Variants in KATNIP observed in about 807,000 individuals in gnomAD.
KATNIP encodes katanin-interacting protein.
In KATNIP, 126 loss-of-function variants were observed where a neutral mutation model predicts 174.0. The ratio of observed to expected loss-of-function variants is 0.72; its 90% CI spans 0.63 to 0.84. KATNIP has a LOEUF of 0.84. KATNIP is among the 40% of genes least tolerant of loss of function. KATNIP has a pLI of 0.00. For missense variants in KATNIP, 1,958 were observed against 2,109.7 expected, an observed-to-expected ratio of 0.93 and a Z score of 1.41; for synonymous variants, 810 against 835.7, an observed-to-expected ratio of 0.97 and a Z score of 0.53.
At chr16:27,591,348 A>G (rs192522937) in intron 2 of KATNIP, among the ~76,000 whole-genome samples, 1 of 152,052 alleles carries the variant, frequency 6.6e-6, no homozygotes, top group Admixed American at 6.6e-5. Context: ...CCACACCCAG[A>G]TAATTTTTGT....
intron 22 of KATNIP, 111 bp from the exon 23 acceptor site, chr16:27,772,988 T>G: frequency 1.6e-6 from 1 of 636,682 alleles, no homozygotes; most frequent in South Asian, 2.0e-5. Context: ...AAAATGTTTT[T>G]CTCTCATTCA....
At position 27,569,983 on chromosome 16, in the gene KATNIP, A is replaced by G. The variant is rs1330851071; in HGVS notation, c.8-3918A>G. Among the ~76,000 whole-genome samples, 3 of 152,202 alleles carry G rather than the reference A, an allele frequency of 2.0e-5. No individual in the cohort carries two copies. In the East Asian group the frequency reaches 5.8e-4, roughly 29 times the overall value. On this transcript the variant is annotated intron_variant, in intron 1 of 27. Transcript: ENST00000261588. ...GGCTGGTCTTGAACTCCTGGCCTCC[A>G]GTGATCCTCTTGCCTTGGCCTCCCA...
In KATNIP at chr16:27,573,917, G is replaced by A. The variant is rs2090394994; in HGVS notation, c.24G>A (p.Lys8=). Residue 8 remains lysine, a synonymous_variant, in exon 2 of 28, where the codon AAG becomes AAA. Transcript: ENST00000261588. Reference sequence around the variant, plus strand: ...CTGCGACAGGTCAGACTCTGCGAAAGGCCGAGAGAAGCTGGTCCTGCTCAC... The same window carrying A: ...CTGCGACAGGTCAGACTCTGCGAAAAGCCGAGAGAAGCTGGTCCTGCTCAC... MDGQTLR[K]AERSWSCSRE... 1 of 1,614,164 alleles carries A rather than the reference G, an allele frequency of 6.2e-7. No individual in the cohort carries two copies.
intron 14 of KATNIP, among the ~76,000 whole-genome samples, chr16:27,736,057 C>T (rs1215376266): frequency 6.6e-6 from 1 of 152,240 alleles, no homozygotes; most frequent in African/African-American, 2.4e-5. Flanking sequence ...GGCTGGAGTA[C>T]AATGGCACGA....
intron 6 of KATNIP, chr16:27,669,346 C>G: frequency 1.0e-6 from 1 of 978,654 alleles, no homozygotes; most frequent in Non-Finnish European, 1.2e-6. Context: ...CATTTGTGTG[C>G]AGTCCCTGTC....
intron 5 of KATNIP, among the ~76,000 whole-genome samples, chr16:27,642,323 A>T (rs1712872473): frequency 6.6e-6 from 1 of 152,178 alleles, no homozygotes; most frequent in African/African-American, 2.4e-5. Context: ...CAAAAAACCA[A>T]ACACCGCATG....
chr16:27,584,177 C>A (rs2090800282), intron 2 of KATNIP, among the ~76,000 whole-genome samples: 2 of 152,020 alleles, frequency 1.3e-5, no homozygotes, highest in African/African-American at 4.8e-5. Context: ...TTCTTTGCTT[C>A]CTCCTCCTTC....
intron 19 of KATNIP, among the ~76,000 whole-genome samples, chr16:27,762,041 T>C (rs2081972896): frequency 6.6e-6 from 1 of 152,124 alleles, no homozygotes; most frequent in Admixed American, 6.5e-5. Flanking sequence ...CGGTGGTGGC[T>C]GCACTTTCCC....
chr16:27,565,482 GAAAGA>G (rs1290134038), intron 1 of KATNIP, among the ~76,000 whole-genome samples: 1 of 150,628 alleles, frequency 6.6e-6, no homozygotes, highest in Non-Finnish European at 1.5e-5. Flanking sequence ...AAAAAAAAAG[GAAAGA>G]AAAGAAATAA....
rs2082539328 is a variant in KATNIP, at chr16:27,777,489, G to C, written c.4552-121G>C. On this transcript the variant is annotated intron_variant, in intron 25 of 27. Transcript: ENST00000261588. The surrounding 1 kb of genome is among the most constrained non-coding windows in gnomAD (Gnocchi z 4.4). ...CAGACACAGCACACAGTAGGCGCTT[G>C]TTCCTGACAGCCCCGTCTTCCCGAG... 1.1e-6 allele frequency: 1 copy of C among 898,062 alleles called. No homozygotes were observed. Among genetic ancestry groups the C allele is most frequent in the Non-Finnish European group, 1.7e-6 (1 of 604,872 alleles). The allele number at this position is 898,062 out of a possible 1,614,324, so 55.6% of individuals were successfully genotyped here.
intron 2 of KATNIP, among the ~76,000 whole-genome samples, chr16:27,577,230 C>G (rs1014726393): frequency 4.6e-5 from 7 of 152,186 alleles, no homozygotes; most frequent in Non-Finnish European, 8.8e-5. Flanking sequence ...CGGTACTTAG[C>G]AACATCTGGA....
intron 18 of KATNIP, among the ~76,000 whole-genome samples, chr16:27,758,971 T>C (rs2081844505): frequency 6.6e-6 from 1 of 152,246 alleles, no homozygotes; most frequent in African/African-American, 2.4e-5. Flanking sequence ...TAGGTTCTGG[T>C]ACACAGTAGA....
At chr16:27,657,977 G>A (rs1204877767) in intron 6 of KATNIP, among the ~76,000 whole-genome samples, 1 of 152,230 alleles carries the variant, frequency 6.6e-6, no homozygotes, top group Non-Finnish European at 1.5e-5. Context: ...GTGATGTTAT[G>A]CTGTAGTTAT....
intron 12 of KATNIP, among the ~76,000 whole-genome samples, chr16:27,707,710 G>A (rs2079378436): frequency 1.3e-5 from 2 of 152,244 alleles, no homozygotes; most frequent in African/African-American, 2.4e-5. Context: ...TCCGAAGGCT[G>A]GAAGTCCAAG....
At chr16:27,617,700 A>C (rs1200663007) in intron 2 of KATNIP, among the ~76,000 whole-genome samples, 1 of 152,108 alleles carries the variant, frequency 6.6e-6, no homozygotes, top group Non-Finnish European at 1.5e-5. Flanking sequence ...TTTATAATTA[A>C]CATACATTTC....
chr16:27,641,793 A>G (rs1305475291), intron 5 of KATNIP, among the ~76,000 whole-genome samples: 1 of 152,208 alleles, frequency 6.6e-6, no homozygotes, highest in Non-Finnish European at 1.5e-5. Context: ...GGAGATACCA[A>G]TGCTGCTGGT....
chr16:27,559,889 G>A (rs1036991034), intron 1 of KATNIP, among the ~76,000 whole-genome samples: 1 of 151,614 alleles, frequency 6.6e-6, no homozygotes. Flanking sequence ...ACTGAGGTGG[G>A]AGAATCATTT....
At chr16:27,703,337 A>C (rs1157862606) in intron 11 of KATNIP, among the ~76,000 whole-genome samples, 1 of 152,126 alleles carries the variant, frequency 6.6e-6, no homozygotes, top group Non-Finnish European at 1.5e-5. Context: ...ACACGTGGGC[A>C]TGTTTGCAAA....
chr16:27,648,635 C>G lies in KATNIP; in HGVS notation c.440C>G (p.Pro147Arg). 2 of 1,614,152 alleles carry G rather than the reference C, an allele frequency of 1.2e-6. No homozygotes were observed. Among genetic ancestry groups the G allele is most frequent in the East Asian group, 2.2e-5 (1 of 44,882 alleles). ...GTGCAGATCAGAACAGAAGCTGGCC[C>G]ACGGCTCCACATCGAACCTCCTGTG... ...KSVQIRTEAG[P>R]RLHIEPPVDY... The change falls in exon 6 of 28, where the codon CCA (proline) becomes CGA (arginine). Residue 147 changes from proline to arginine, a missense_variant. This residue lies in a region of KATNIP where 1,557 missense variants were observed against 1,617.8 expected (regional missense o/e 0.96). Coordinates refer to ENST00000261588, the MANE Select transcript of KATNIP (RefSeq NM_015202.5).
Sources: allele counts gnomAD v4.1 joint callset (sites outside exome capture counted in the v4.1 genomes callset), GRCh38; gene constraint gnomAD v4.1.1; regional missense constraint gnomAD v4.1.1; non-coding constraint Gnocchi (gnomAD v3.1); transcripts MANE v1.5; gene names NCBI Gene and HGNC (gene_info 2026-07-23, HGNC 2026-07-21).